The following XKR4 variants were observed in gnomAD, a reference collection of about 807,000 sequenced individuals.
The protein encoded by XKR4 is XK related 4.
XKR4 carries 12 observed loss-of-function variants against 53.9 expected under a neutral mutation model. The observed-to-expected ratio is 0.22, with a 90% CI of 0.14 to 0.36. The LOEUF (loss-of-function observed/expected upper bound fraction) is 0.36, where lower values mean the gene tolerates loss of function less well. XKR4 is among the 10% of genes least tolerant of loss of function. The pLI, the probability that XKR4 is intolerant of heterozygous loss-of-function variation, is 1.00. For synonymous variants in XKR4, 354 were observed against 362.4 expected, an observed-to-expected ratio of 0.98 and a Z score of 0.26; for missense variants, 799 against 859.5, an observed-to-expected ratio of 0.93 and a Z score of 0.88.
At chr8:55,451,020 T>G (rs1385902239) in intron 2 of XKR4, 4 of 552,100 alleles carry the variant, frequency 7.2e-6, no homozygotes, top group Middle Eastern at 3.5e-4. Flanking sequence ...GAAGCTAGCC[T>G]TCACCTGCCG....
chr8:55,311,427 G>T (rs1563321785), intron 1 of XKR4, among the ~76,000 whole-genome samples: 1 of 152,312 alleles, frequency 6.6e-6, no homozygotes, highest in East Asian at 1.9e-4. Flanking sequence ...GGTCCAGCCA[G>T]CTGAAGAGAG....
intron 1 of XKR4, among the ~76,000 whole-genome samples, chr8:55,130,979 G>C (rs1816545680): frequency 6.6e-6 from 1 of 152,074 alleles, no homozygotes. Context: ...GACCGACGTG[G>C]AGAAACCCCA....
intron 2 of XKR4, among the ~76,000 whole-genome samples, chr8:55,460,801 T>C (rs1031922690): frequency 1.3e-5 from 2 of 152,198 alleles, no homozygotes; most frequent in Admixed American, 6.5e-5. Flanking sequence ...GTTTTTCCAA[T>C]GGGCTTATCA....
intron 1 of XKR4, among the ~76,000 whole-genome samples, chr8:55,312,851 G>A (rs987177632): frequency 1.3e-5 from 2 of 152,134 alleles, no homozygotes; most frequent in Non-Finnish European, 2.9e-5. Flanking sequence ...TCTATTCATA[G>A]ATGGCGTCAA....
rs71256534 is a variant in XKR4, at chr8:55,396,399, G to GTTTTTTTTTTTTTTTTTTTTTTTTT, written c.1006+38541_1006+38542insTTTTTTTTTTTTTTTTTTTTTTTTT. On this transcript the variant is annotated intron_variant, in intron 2 of 2. Transcript: ENST00000327381. ...TTTTTTTGTGTTTTTTTTTTGTTTG[G>GTTTTTTTTTTTTTTTTTTTTTTTTT]TTTTTTTTTTTTTTTTTTTGCAGAG... Among the ~76,000 whole-genome samples, 3 of 88,750 alleles carry GTTTTTTTTTTTTTTTTTTTTTTTTT rather than the reference G, an allele frequency of 3.4e-5. 1 individual carries two copies. Among genetic ancestry groups the GTTTTTTTTTTTTTTTTTTTTTTTTT allele is most frequent in the African/African-American group, 9.8e-5 (2 of 20,314 alleles). 58.2% of individuals were successfully genotyped at this position (88,750 alleles called of 152,430 possible).
chr8:55,315,326 A>G (rs1034500845), intron 1 of XKR4, among the ~76,000 whole-genome samples: 3 of 152,172 alleles, frequency 2.0e-5, no homozygotes, highest in African/African-American at 7.2e-5. Context: ...TAAATGCAAT[A>G]AGTGGTTGGG....
rs533610758 is a variant in XKR4, at chr8:55,495,142, G to T, written c.1007-28139G>T. Among the ~76,000 whole-genome samples the T allele has an allele frequency of 3.3e-5, 5 of 152,332 alleles. No individual in the cohort carries two copies. The South Asian group carries it at 1.0e-3, about 32-fold the overall frequency. On this transcript the variant is annotated intron_variant, in intron 2 of 2. Coordinates refer to ENST00000327381, the MANE Select transcript of XKR4 (RefSeq NM_052898.2). ...CATGTCAGTGCTGCCTCGAGCATGT[G>T]CACACCCAGCCAGGCTTACCAGTGC...
intron 1 of XKR4, among the ~76,000 whole-genome samples, chr8:55,187,353 A>G (rs1817393594): frequency 6.6e-6 from 1 of 151,172 alleles, no homozygotes; most frequent in Non-Finnish European, 1.5e-5. Flanking sequence ...ATTGATAGTG[A>G]CACAATTAAG....
chr8:55,285,479 A>T (rs1056732876), intron 1 of XKR4, among the ~76,000 whole-genome samples: 1 of 152,218 alleles, frequency 6.6e-6, no homozygotes, highest in African/African-American at 2.4e-5. Flanking sequence ...AATGGTAGAT[A>T]TGCATGACAG....
At chr8:55,365,630 C>G (rs1262641187) in intron 2 of XKR4, among the ~76,000 whole-genome samples, 1 of 150,822 alleles carries the variant, frequency 6.6e-6, no homozygotes, top group African/African-American at 2.4e-5. Flanking sequence ...TCGCTTGAAC[C>G]CGGGAGGCGG....
At chr8:55,469,302 G>A (rs1002146197) in intron 2 of XKR4, among the ~76,000 whole-genome samples, 1 of 152,042 alleles carries the variant, frequency 6.6e-6, no homozygotes, top group Non-Finnish European at 1.5e-5. Context: ...AAGAACAATG[G>A]CAATGAAACC....
intron 1 of XKR4, among the ~76,000 whole-genome samples, chr8:55,278,914 C>A (rs1453348512): frequency 1.3e-5 from 2 of 152,110 alleles, no homozygotes. Context: ...ATGCGCACCT[C>A]AGGGAACCAC....
At chr8:55,417,408 C>T (rs1804866669) in intron 2 of XKR4, among the ~76,000 whole-genome samples, 1 of 152,198 alleles carries the variant, frequency 6.6e-6, no homozygotes. Context: ...ACAGTCGAAT[C>T]TGATGTTCTC....
chr8:55,325,923 G>A (rs1276142912), intron 1 of XKR4, among the ~76,000 whole-genome samples: 5 of 152,194 alleles, frequency 3.3e-5, no homozygotes, highest in African/African-American at 9.7e-5. Flanking sequence ...AGACAGAAAG[G>A]AAACTGTTAT....
intron 1 of XKR4, chr8:55,161,742 G>A (rs2129357158): frequency 2.5e-6 from 1 of 395,952 alleles, no homozygotes; most frequent in Admixed American, 3.0e-5. Context: ...GCCACTTACT[G>A]CACATACATT....
intron 2 of XKR4, among the ~76,000 whole-genome samples, chr8:55,502,344 CA>C (rs1312252111): frequency 6.6e-6 from 1 of 151,730 alleles, no homozygotes; most frequent in Admixed American, 6.6e-5. Flanking sequence ...CAACAGTACA[CA>C]AGTGTTCCTA....
At chr8:55,323,781 C>T (rs1334912118) in intron 1 of XKR4, among the ~76,000 whole-genome samples, 1 of 152,164 alleles carries the variant, frequency 6.6e-6, no homozygotes, top group East Asian at 1.9e-4. Flanking sequence ...ATTTCAGCCC[C>T]CTCTCCAAGT....
intron 2 of XKR4, chr8:55,454,140 G>T: frequency 2.2e-6 from 2 of 900,154 alleles, no homozygotes; most frequent in Non-Finnish European, 3.7e-6. Context: ...ACCAACTCCA[G>T]CTCCGGGTCC....
chr8:55,264,049 G>A (rs1455112317), intron 1 of XKR4, among the ~76,000 whole-genome samples: 1 of 152,166 alleles, frequency 6.6e-6, no homozygotes, highest in Non-Finnish European at 1.5e-5. Context: ...ACTACATAAT[G>A]TCTCCCAAAT....
Sources: gnomAD v4.1 joint callset for allele counts (sites outside exome capture counted in the v4.1 genomes callset) on GRCh38, gnomAD v4.1.1 for gene constraint, MANE v1.5 for transcripts, NCBI Gene and HGNC (gene_info 2026-07-23, HGNC 2026-07-21) for gene names.